Variants in ATCAY observed in about 807,000 individuals in gnomAD.
ATCAY encodes ATCAY kinesin light chain interacting caytaxin.
ATCAY carries 22 observed loss-of-function variants against 47.7 expected under a neutral mutation model. The observed-to-expected ratio is 0.46, with a 90% CI of 0.33 to 0.66. ATCAY has a LOEUF of 0.66. Among genes scored for constraint, ATCAY ranks in the 30% least tolerant of loss-of-function variants. ATCAY has a pLI of 0.02. For synonymous variants in ATCAY, 216 were observed against 207.6 expected (o/e 1.04, Z -0.35); for missense variants, 452 against 515.0 (o/e 0.88, Z 1.18).
intron 2 of ATCAY, among the ~76,000 whole-genome samples, chr19:3,893,255 C>A (rs761984703): frequency 6.6e-6 from 1 of 150,964 alleles, no homozygotes; most frequent in African/African-American, 2.4e-5. Context: ...CTCACTGCAA[C>A]CTCCGCCTCC....
intron 10 of ATCAY, 27 bp downstream of exon 10, chr19:3,917,804 G>T: frequency 6.2e-7 from 1 of 1,606,360 alleles, no homozygotes; most frequent in South Asian, 1.1e-5. Flanking sequence ...TTCTGCTGGG[G>T]CTGGGTCGGG....
Position 3,907,949 on chromosome 19 carries a change from G to A in ATCAY, c.544+30G>A. The A allele has an allele frequency of 6.2e-7, 1 of 1,602,472 alleles. No homozygotes were observed. Among genetic ancestry groups the A allele is most frequent in the Non-Finnish European group, 8.5e-7 (1 of 1,174,658 alleles). On this transcript the variant is annotated intron_variant, in intron 5 of 12. Coordinates refer to ENST00000450849, the MANE Select transcript of ATCAY (RefSeq NM_033064.5). This position sits in a 1 kb window ranked among gnomAD's most constrained non-coding sequence, Gnocchi z 5.1. ...GACCCGCCCCCCGGTGCCCCCTTGG[G>A]GCTCCAGCCCGGCCCACTGGGCAAC...
chr19:3,894,300 C>T (rs58516756), intron 2 of ATCAY, among the ~76,000 whole-genome samples: 62,781 of 151,364 alleles, frequency 0.41, 14,314 homozygotes, highest in Middle Eastern at 0.53. Context: ...CTGGCTAACA[C>T]GGTGAAACCC....
Position 3,923,360 on chromosome 19 carries a change from T to C in ATCAY, c.1107-1223T>C, listed in dbSNP as rs562586554. ...TTAGGTGGATAAGATATAATAAGCA[T>C]GTTTTAACAATTAAAAACACAAAAG... On this transcript the variant is annotated intron_variant, in intron 12 of 12. Transcript: ENST00000450849. Among the ~76,000 whole-genome samples the C allele has an allele frequency of 5.3e-5, 8 of 152,294 alleles. No homozygotes were observed. The East Asian group carries it at 9.6e-4, about 18-fold the overall frequency.
rs1349281740 is a variant in ATCAY, at chr19:3,908,336, C to T, written c.613C>T (p.Pro205Ser). The T allele has an allele frequency of 6.3e-7, 1 of 1,594,420 alleles. No homozygotes were observed. The highest frequency in any genetic ancestry group is 1.7e-5 in the Admixed American group (1 of 57,260). The change falls in exon 6 of 13, where the codon CCC becomes TCC. Residue 205 changes from proline (P) to serine (S), a missense_variant. By Grantham distance (74) the Pro-to-Ser change is moderately conservative. Transcript: ENST00000450849. ...AACFLPDSSL[P>S]DYHYIMENLF... ...CTGCTTCCTTCCAGACAGCAGCCTC[C>T]CCGACTACCACTACATCATGGAGAA...
rs1435181784 is a variant in ATCAY, at chr19:3,907,747, G to A, written c.372G>A (p.Val124=). The change falls in exon 5 of 13, where the codon GTG becomes GTA. Residue 124 remains valine (V), a synonymous_variant. Coordinates refer to ENST00000450849, the MANE Select transcript of ATCAY (RefSeq NM_033064.5). The surrounding 1 kb of genome is among the most constrained non-coding windows in gnomAD (Gnocchi z 5.1). Reference sequence around the variant, plus strand: ...ACCTGCTTCTAGACGACACCCCCGTGGCCACCGCCAAGAACATGCCCGGGG... The same window carrying A: ...ACCTGCTTCTAGACGACACCCCCGTAGCCACCGCCAAGAACATGCCCGGGG... ...NELEWEDDTP[V]ATAKNMPGDS... is the part of the protein sequence containing the mutation. 1 of 1,613,994 alleles carries A rather than the reference G, an allele frequency of 6.2e-7. No individual in the cohort carries two copies. The highest frequency in any genetic ancestry group is 1.1e-5 in the South Asian group (1 of 91,088).
Position 3,918,794 on chromosome 19 carries a change from C to G in ATCAY, c.1002-12C>G. Reference sequence around the variant, plus strand: ...CTAGTCACCCTTGTCACCTCGTTCTCTCTGTCCACAGCGCGAGGCCCCAGC... The same window carrying G: ...CTAGTCACCCTTGTCACCTCGTTCTGTCTGTCCACAGCGCGAGGCCCCAGC... On this transcript the variant is annotated splice_polypyrimidine_tract_variant and intron_variant, in intron 10 of 12. Transcript: ENST00000450849. 5 of 1,613,898 alleles carry G rather than the reference C, an allele frequency of 3.1e-6. No homozygotes were observed. The highest frequency in any genetic ancestry group is 4.2e-6 in the Non-Finnish European group (5 of 1,179,814).
intron 1 of ATCAY, among the ~76,000 whole-genome samples, chr19:3,884,091 C>A (rs1282131314): frequency 6.6e-6 from 1 of 152,014 alleles, no homozygotes; most frequent in Non-Finnish European, 1.5e-5. Context: ...ATCACCTGAG[C>A]CCGAAAGTTC....
intron 1 of ATCAY, among the ~76,000 whole-genome samples, chr19:3,883,105 G>C (rs531995324): frequency 6.6e-6 from 1 of 151,990 alleles, no homozygotes; most frequent in Non-Finnish European, 1.5e-5. Context: ...CTAGTGGCCC[G>C]GCAGGGTGGC....
chr19:3,910,681 GACCAC>G, intron 7 of ATCAY, 117 bp from the exon 8 acceptor site: 1 of 942,168 alleles, frequency 1.1e-6, no homozygotes, highest in Non-Finnish European at 1.7e-6. Flanking sequence ...GGTACCTGGA[GACCAC>G]ACGTGGAATG....
At chr19:3,917,814 G>A in intron 10 of ATCAY, 37 bp downstream of exon 10, 4 of 1,601,578 alleles carry the variant, frequency 2.5e-6, no homozygotes, top group Non-Finnish European at 3.4e-6. Context: ...GCTGGGTCGG[G>A]GCAGCGGGGG....
In ATCAY at chr19:3,905,662, T is replaced by A; in HGVS notation, c.358+7T>A. ...AACGAACTGGAGTGGGAAGGTAAAGTTCAGGGTCTCTCTGGGGCCTGCTGG... is the reference window on the plus strand; with the variant it reads ...AACGAACTGGAGTGGGAAGGTAAAGATCAGGGTCTCTCTGGGGCCTGCTGG... On this transcript the variant is annotated splice_region_variant and intron_variant, in intron 4 of 12. Transcript: ENST00000450849. The A allele has an allele frequency of 6.2e-7, 1 of 1,611,654 alleles. No individual in the cohort carries two copies. Among genetic ancestry groups the A allele is most frequent in the Non-Finnish European group, 8.5e-7 (1 of 1,178,772 alleles).
At chr19:3,904,202 T>C (rs2038840713) in intron 3 of ATCAY, among the ~76,000 whole-genome samples, 1 of 152,120 alleles carries the variant, frequency 6.6e-6, no homozygotes, top group African/African-American at 2.4e-5. Context: ...CGCATGCCTG[T>C]AATCCCAGCT....
At position 3,913,785 on chromosome 19, in the gene ATCAY, C is replaced by T. The variant is rs755896658; in HGVS notation, c.894C>T (p.Tyr298=). 2.5e-6 allele frequency: 4 copies of T among 1,613,710 alleles called. No individual in the cohort carries two copies. Among genetic ancestry groups the T allele is most frequent in the Middle Eastern group, 1.6e-4 (1 of 6,084 alleles). The part of the protein sequence containing the change: ...ISVKFINKIQ[Y]VHSLEDLEQL... ...TCAAGTTCATCAACAAGATCCAGTA[C>T]GTGCACAGCTTGGAAGACCTGGAGC... Residue 298 remains tyrosine, a synonymous_variant, in exon 9 of 13, where the codon TAC becomes TAT. Coordinates refer to ENST00000450849, the MANE Select transcript of ATCAY (RefSeq NM_033064.5).
In ATCAY at chr19:3,922,096, C is replaced by T. The variant is rs2039026005; in HGVS notation, c.1106+1298C>T. 4.3e-6 allele frequency: 3 copies of T among 696,590 alleles called. No individual in the cohort carries two copies. In the South Asian group the frequency reaches 4.5e-5, roughly 10 times the overall value. 43.2% of individuals were successfully genotyped at this position (696,590 alleles called of 1,614,324 possible). A position where few individuals can be genotyped will look rare whatever the true frequency, so the allele number is the denominator to read the frequency against. ...GAGAAGCTGACCCAAGCCTTTCTAG[C>T]CAGGGTGTTTATAGAGAGTCAACTA... is the stretch of plus-strand genomic sequence containing the variant. On this transcript the variant is annotated intron_variant, in intron 12 of 12. Transcript: ENST00000450849.
At chr19:3,885,214 T>C (rs1204382992) in intron 1 of ATCAY, among the ~76,000 whole-genome samples, 2 of 137,064 alleles carry the variant, frequency 1.5e-5, no homozygotes, top group African/African-American at 5.6e-5. Context: ...AGCTCAGGAG[T>C]TTGAGACCAG....
intron 1 of ATCAY, among the ~76,000 whole-genome samples, chr19:3,885,511 A>G (rs561912645): frequency 2.8e-4 from 43 of 151,528 alleles, no homozygotes; most frequent in African/African-American, 9.9e-4. Flanking sequence ...CTGAGATGGC[A>G]CCATTGCACT....
chr19:3,893,215 C>T (rs1175227463), intron 2 of ATCAY, among the ~76,000 whole-genome samples: 1 of 149,642 alleles, frequency 6.7e-6, no homozygotes, highest in Non-Finnish European at 1.5e-5. Flanking sequence ...GCTCTGTCGC[C>T]CAGGCTGGAG....
In ATCAY at chr19:3,909,729, G is replaced by T. The variant is rs2038906895; in HGVS notation, c.779+112G>T. The T allele has an allele frequency of 2.8e-6, 4 of 1,438,944 alleles. No individual in the cohort carries two copies. In the Admixed American group the frequency reaches 8.0e-5, roughly 29 times the overall value. 89.1% of individuals were successfully genotyped at this position (1,438,944 alleles called of 1,614,324 possible). A position where few individuals can be genotyped will look rare whatever the true frequency, so the allele number is the denominator to read the frequency against. ...GCACTTCGGGAGGCTGAGGTGGGAA[G>T]GTCCCTTGAGCCCAGGAGTTTGAGA... On this transcript the variant is annotated intron_variant, in intron 7 of 12. Transcript: ENST00000450849.
Sources: gnomAD v4.1 joint callset for allele counts (sites outside exome capture counted in the v4.1 genomes callset) on GRCh38, gnomAD v4.1.1 for gene constraint, Gnocchi (gnomAD v3.1) non-coding constraint, MANE v1.5 for transcripts, NCBI Gene and HGNC (gene_info 2026-07-23, HGNC 2026-07-21) for gene names.